The following CERS6 variants were observed in gnomAD, a reference collection of about 807,000 sequenced individuals.
The protein encoded by CERS6 is LAG1 homolog, ceramide synthase 6.
Under a neutral mutation model 56.8 loss-of-function variants are expected in CERS6, and 26 were observed. The observed-to-expected ratio is 0.46, with a 90% CI of 0.34 to 0.63. The LOEUF is 0.63. Among genes scored for constraint, CERS6 ranks in the 30% least tolerant of loss-of-function variants. The probability of loss-of-function intolerance (pLI) is 0.01; values close to 1 mark genes in which losing one functional copy is unlikely to be tolerated. For synonymous variants in CERS6, 164 were observed against 173.3 expected (o/e 0.95, Z 0.42); for missense variants, 415 against 467.5 (o/e 0.89, Z 1.04).
At chr2:168,618,813 A>G (rs928081329) in intron 3 of CERS6, among the ~76,000 whole-genome samples, 1 of 152,216 alleles carries the variant, frequency 6.6e-6, no homozygotes, top group Non-Finnish European at 1.5e-5. Context: ...GCCAAAAGCA[A>G]TCTACAAATT....
intron 7 of CERS6, among the ~76,000 whole-genome samples, chr2:168,715,367 A>G (rs998387181): frequency 6.6e-6 from 1 of 152,200 alleles, no homozygotes; most frequent in African/African-American, 2.4e-5. Context: ...TTACTGTTCT[A>G]TACTTAAGAA....
At chr2:168,642,658 T>C (rs552401832) in intron 4 of CERS6, among the ~76,000 whole-genome samples, 5 of 152,344 alleles carry the variant, frequency 3.3e-5, no homozygotes, top group Admixed American at 2.0e-4. Context: ...CAGCACAAGC[T>C]TTCCTGGTAG....
chr2:168,502,638 C>T (rs1694604057), intron 1 of CERS6, among the ~76,000 whole-genome samples: 2 of 152,188 alleles, frequency 1.3e-5, no homozygotes. Context: ...CTTAAAAATC[C>T]TCTGTCTCCA....
At chr2:168,581,923 G>A (rs1683422339) in intron 3 of CERS6, among the ~76,000 whole-genome samples, 1 of 152,160 alleles carries the variant, frequency 6.6e-6, no homozygotes, top group Non-Finnish European at 1.5e-5. Context: ...TGTCCGGCAT[G>A]GACGATACCC....
intron 4 of CERS6, among the ~76,000 whole-genome samples, chr2:168,680,760 G>A (rs978755620): frequency 8.5e-5 from 13 of 152,210 alleles, no homozygotes; most frequent in Admixed American, 3.3e-4. Context: ...ATGTGAGGAT[G>A]CTGCAAGAAG....
chr2:168,746,531 G>A (rs1684100941), intron 8 of CERS6, among the ~76,000 whole-genome samples: 1 of 151,776 alleles, frequency 6.6e-6, no homozygotes, highest in South Asian at 2.1e-4. Context: ...CTCTACTGAT[G>A]TCTGGTATTT....
At chr2:168,510,221 T>C (rs73018570) in intron 1 of CERS6, among the ~76,000 whole-genome samples, 11,020 of 152,118 alleles carry the variant, frequency 0.072, 601 homozygotes, top group African/African-American at 0.15. Flanking sequence ...TAGACAGTAG[T>C]TTTAGTCTAT....
intron 4 of CERS6, among the ~76,000 whole-genome samples, chr2:168,644,960 T>G (rs1486460631): frequency 6.7e-6 from 1 of 149,816 alleles, no homozygotes; most frequent in Non-Finnish European, 1.5e-5. Context: ...GGCATGGTGG[T>G]GCACACTTGT....
rs542835575 is a variant in CERS6, at chr2:168,754,894, G to A, written c.846-10698G>A. Among the ~76,000 whole-genome samples the A allele has an allele frequency of 4.6e-5, 7 of 152,124 alleles. No homozygotes were observed. The South Asian group carries it at 1.0e-3, about 23-fold the overall frequency. ...TGCGCTCAAGTGATCTCCTGCCTCC[G>A]CCTCCTCAGTAGCTGGGACTACAGG... On this transcript the variant is annotated intron_variant, in intron 8 of 9. Coordinates refer to ENST00000305747, the MANE Select transcript of CERS6 (RefSeq NM_203463.3).
intron 1 of CERS6, among the ~76,000 whole-genome samples, chr2:168,484,167 G>GTTTTTTTTTTTTTTT (rs34492119): frequency 3.9e-5 from 2 of 51,610 alleles, no homozygotes; most frequent in African/African-American, 7.1e-5. Flanking sequence ...TCTTTTTTCT[G>GTTTTTTTTTTTTTTT]TTTTTTTTTT....
intron 1 of CERS6, among the ~76,000 whole-genome samples, chr2:168,541,096 A>T (rs1695359775): frequency 8.0e-6 from 1 of 125,226 alleles, no homozygotes; most frequent in Non-Finnish European, 1.7e-5. Context: ...ACATGGCAAG[A>T]GAGGCAGGGA....
chr2:168,467,714 T>TG (rs1693905669), intron 1 of CERS6, among the ~76,000 whole-genome samples: 1 of 152,222 alleles, frequency 6.6e-6, no homozygotes, highest in African/African-American at 2.4e-5. Context: ...GAGCACTCTC[T>TG]GCAAAAATGT....
Position 168,734,949 on chromosome 2 carries a change from G to A in CERS6, c.845+16971G>A, listed in dbSNP as rs147433542. Among the ~76,000 whole-genome samples, 7 of 152,288 alleles carry A rather than the reference G, an allele frequency of 4.6e-5. No homozygotes were observed. The East Asian group carries it at 9.6e-4, about 21-fold the overall frequency. On this transcript the variant is annotated intron_variant, in intron 8 of 9. Coordinates refer to ENST00000305747, the MANE Select transcript of CERS6 (RefSeq NM_203463.3). ...GCACATAATCACTATCCTGACAAAT[G>A]ACACTATAGAGTTTCAGCTCCTTAA...
intron 4 of CERS6, among the ~76,000 whole-genome samples, chr2:168,681,369 A>C (rs928212852): frequency 6.6e-6 from 1 of 152,212 alleles, no homozygotes; most frequent in Non-Finnish European, 1.5e-5. Flanking sequence ...AGGCAGCTAT[A>C]TCCTGTGCTA....
chr2:168,697,495 C>T (rs11900907), intron 6 of CERS6, among the ~76,000 whole-genome samples: 51,527 of 150,810 alleles, frequency 0.34, 9,191 homozygotes, highest in Middle Eastern at 0.46. Flanking sequence ...TTTGAGGAGA[C>T]CTTTTGTCCA....
chr2:168,520,597 C>A (rs6754276), intron 1 of CERS6, among the ~76,000 whole-genome samples: 29,708 of 109,430 alleles, frequency 0.27, 3,849 homozygotes, highest in African/African-American at 0.34. Flanking sequence ...TTTACAATAT[C>A]CTTTTTTTTT....
At chr2:168,749,802 T>A (rs2105443334) in intron 8 of CERS6, among the ~76,000 whole-genome samples, 1 of 152,142 alleles carries the variant, frequency 6.6e-6, no homozygotes, top group Middle Eastern at 3.4e-3. Flanking sequence ...AGGAAAAAAA[T>A]TCAAGGGCAA....
intron 4 of CERS6, among the ~76,000 whole-genome samples, chr2:168,676,957 A>T (rs1199564286): frequency 6.6e-6 from 1 of 150,590 alleles, no homozygotes; most frequent in African/African-American, 2.4e-5. Flanking sequence ...TTTCCTGCTA[A>T]GCCTCCGGCA....
intron 3 of CERS6, among the ~76,000 whole-genome samples, chr2:168,629,240 T>A (rs985802113): frequency 3.3e-5 from 5 of 152,204 alleles, no homozygotes; most frequent in Non-Finnish European, 7.3e-5. Flanking sequence ...AAAACTTTTT[T>A]ATACATAAAA....
Sources: allele counts gnomAD v4.1 joint callset (sites outside exome capture counted in the v4.1 genomes callset), GRCh38; gene constraint gnomAD v4.1.1; transcripts MANE v1.5; gene names NCBI Gene and HGNC (gene_info 2026-07-23, HGNC 2026-07-21).